Variants in CDH3 observed in about 807,000 individuals in gnomAD.
CDH3 encodes cadherin-3.
Under a neutral mutation model 82.0 loss-of-function variants are expected in CDH3, and 54 were observed. The ratio of observed to expected loss-of-function variants is 0.66; its 90% CI spans 0.53 to 0.83. The LOEUF is 0.83. CDH3 is among the 40% of genes least tolerant of loss of function. The probability of loss-of-function intolerance (pLI) is 0.00; values close to 1 mark genes in which losing one functional copy is unlikely to be tolerated. For missense variants in CDH3, 1,054 were observed against 1,084.6 expected (o/e 0.97, Z 0.40); for synonymous variants, 446 against 437.9 (o/e 1.02, Z -0.23).
chr16:68,646,510 C>CTCG (rs1555503964), intron 2 of CDH3, among the ~76,000 whole-genome samples: 1 of 140,066 alleles, frequency 7.1e-6, no homozygotes, highest in African/African-American at 2.6e-5. Context: ...CTACCCCCCC[C>CTCG]CTCCCCGCCC....
downstream of CDH3, among the ~76,000 whole-genome samples, chr16:68,728,109 A>C (rs1266277212): frequency 1.3e-5 from 2 of 152,186 alleles, no homozygotes; most frequent in Non-Finnish European, 2.9e-5. Context: ...ATAAATAATA[A>C]ATAAAACGAT....
chr16:68,655,012 G>A (rs1232600741), intron 2 of CDH3, among the ~76,000 whole-genome samples: 1 of 151,850 alleles, frequency 6.6e-6, no homozygotes, highest in African/African-American at 2.4e-5. Context: ...TTCCAGCCTG[G>A]GCAACAGAGC....
chr16:68,686,977 A>G (rs1032784929), intron 11 of CDH3, among the ~76,000 whole-genome samples: 3 of 152,190 alleles, frequency 2.0e-5, no homozygotes, highest in African/African-American at 7.2e-5. Context: ...TAAGTAAATA[A>G]AACATCAGCA....
intron 10 of CDH3, 112 bp downstream of exon 10, chr16:68,684,936 C>T (rs1386907423): frequency 1.4e-6 from 2 of 1,384,910 alleles, no homozygotes; most frequent in East Asian, 2.3e-5. Flanking sequence ...AGGAATATCC[C>T]TCCTGCATAG....
At chr16:68,668,174 G>A (rs3118234) in intron 2 of CDH3, among the ~76,000 whole-genome samples, 35,941 of 152,134 alleles carry the variant, frequency 0.24, 4,330 homozygotes, top group Admixed American at 0.28. Flanking sequence ...GGAAGAAAGA[G>A]CTATGTTTAG....
chr16:68,710,703 G>A (rs942543401), intron 1 of CDH3, among the ~76,000 whole-genome samples: 1 of 151,304 alleles, frequency 6.6e-6, no homozygotes, highest in South Asian at 2.1e-4. Flanking sequence ...AATTAGCCGA[G>A]TGTGGTGGCG....
downstream of CDH3, among the ~76,000 whole-genome samples, chr16:68,731,016 G>A (rs545761398): frequency 6.2e-4 from 12 of 19,388 alleles, no homozygotes; most frequent in Non-Finnish European, 8.2e-4. Flanking sequence ...GGGAAACTCC[G>A]TCTCAAAAAA....
chr16:68,715,519 G>A (rs78825026), intron 1 of CDH3, among the ~76,000 whole-genome samples: 1 of 152,068 alleles, frequency 6.6e-6, no homozygotes, highest in Non-Finnish European at 1.5e-5. Flanking sequence ...TGTTCAAGTA[G>A]CCCGGGCACA....
At chr16:68,684,845 G>A (rs779786971) in intron 10 of CDH3, 21 bp downstream of exon 10, 2 of 1,614,042 alleles carry the variant, frequency 1.2e-6, no homozygotes, top group African/African-American at 2.7e-5. Flanking sequence ...GCTGGGCTCA[G>A]TAAGCAGCAC....
In CDH3 at chr16:68,719,552, G is replaced by A. The variant is rs577897938; in HGVS notation, c.100-2873G>A. Among the ~76,000 whole-genome samples, 6 of 126,044 alleles carry A rather than the reference G, an allele frequency of 4.8e-5. No individual in the cohort carries two copies. The East Asian group carries it at 7.5e-4, about 16-fold the overall frequency. 82.7% of individuals were successfully genotyped at this position (126,044 alleles called of 152,430 possible). On this transcript the variant is annotated intron_variant, in intron 1 of 2. Transcript: ENST00000569080. ...AGAGGGAGTCTCGCTCTGTCACCCA[G>A]GCTGGAGTGCAGTGGCGCCATCTTG...
At chr16:68,710,798 T>C (rs538843175) in intron 1 of CDH3, among the ~76,000 whole-genome samples, 2 of 150,292 alleles carry the variant, frequency 1.3e-5, no homozygotes, top group Non-Finnish European at 3.0e-5. Context: ...TGAGCCGAGA[T>C]TGAGTGACTG....
In CDH3 at chr16:68,695,315, T is replaced by A; in HGVS notation, c.2063T>A (p.Leu688Gln). Residue 688 changes from leucine (L) to glutamine (Q), a missense_variant, in exon 14 of 16, where the codon CTA becomes CAA. Leu to Gln is a moderately radical substitution (Grantham distance 113). Coordinates refer to ENST00000264012, the MANE Select transcript of CDH3 (RefSeq NM_001793.6). Reference protein sequence around the residue: ...RKKRKIKEPLLLPEDDTRDNV... With the variant: ...RKKRKIKEPLQLPEDDTRDNV... The stretch of plus-strand genomic sequence containing the variant: ...AAGCGGAAGATCAAGGAGCCCCTCC[T>A]ACTCCCAGAAGATGACACCCGTGAC... The A allele has an allele frequency of 6.2e-7, 1 of 1,614,058 alleles. No individual in the cohort carries two copies. Among genetic ancestry groups the A allele is most frequent in the Non-Finnish European group, 8.5e-7 (1 of 1,179,994 alleles).
rs1025200824 is a variant in CDH3 at position 68,645,835 on chromosome 16, G to A, written c.160+85G>A. 6 of 1,023,318 alleles carry A rather than the reference G, an allele frequency of 5.9e-6. No homozygotes were observed. The East Asian group carries it at 1.3e-4, about 22-fold the overall frequency. 63.4% of individuals were successfully genotyped at this position (1,023,318 alleles called of 1,614,324 possible). A position where few individuals can be genotyped will look rare whatever the true frequency, so the allele number is the denominator to read the frequency against. ...CCGCGCGAGGGGTGTTCGGGCCGGG[G>A]CAAGGGACTCCTGGCGCCACCTCAG... On this transcript the variant is annotated intron_variant, in intron 2 of 15. Coordinates refer to ENST00000264012, the MANE Select transcript of CDH3 (RefSeq NM_001793.6).
intron 2 of CDH3, among the ~76,000 whole-genome samples, chr16:68,657,406 C>T (rs1348308060): frequency 6.6e-6 from 1 of 152,070 alleles, no homozygotes; most frequent in Non-Finnish European, 1.5e-5. Flanking sequence ...CCCAGCTACT[C>T]GGGAGGCTGA....
rs1207425741 is a variant in CDH3, at chr16:68,698,507, C to T, written c.*107C>T. 4.0e-6 allele frequency: 4 copies of T among 1,002,914 alleles called. No individual in the cohort carries two copies. The highest frequency in any genetic ancestry group is 3.1e-4 in the Middle Eastern group (1 of 3,232). The allele number at this position is 1,002,914 out of a possible 1,614,324, so 62.1% of individuals were successfully genotyped here. On this transcript the variant is annotated 3_prime_UTR_variant, in exon 16 of 16. Coordinates refer to ENST00000264012, the MANE Select transcript of CDH3 (RefSeq NM_001793.6). ...ACTTCGGAGCTTGTCAGGAAGTGGC[C>T]GTAGCAACTTGGCGGAGACAGGCTA...
chr16:68,664,762 G>C (rs1427749358), intron 2 of CDH3, among the ~76,000 whole-genome samples: 5 of 151,920 alleles, frequency 3.3e-5, no homozygotes, highest in African/African-American at 4.8e-5. Flanking sequence ...AGGCTCAGGT[G>C]ATCCTCCCAC....
Position 68,685,209 on chromosome 16 carries a change from C to T in CDH3, c.1429C>T (p.Arg477Cys), listed in dbSNP as rs1443655106. 5.0e-6 allele frequency: 8 copies of T among 1,614,048 alleles called. No homozygotes were observed. The highest frequency in any genetic ancestry group is 2.2e-5 in the East Asian group (1 of 44,880). Residue 477 changes from arginine (R) to cysteine (C), a missense_variant, in exon 11 of 16, where the codon CGC (arginine) becomes TGC (cysteine). Coordinates refer to ENST00000264012, the MANE Select transcript of CDH3 (RefSeq NM_001793.6). ...PDKENQKISY[R>C]ILRDPAGWLA... is the part of the protein sequence containing the mutation. ...GTCTCAACTTTTCCTCTCCAGCTAC[C>T]GCATCCTGAGAGACCCAGCAGGGTG... is the stretch of plus-strand genomic sequence containing the variant.
downstream of CDH3, among the ~76,000 whole-genome samples, chr16:68,702,122 C>T (rs1490374234): frequency 1.3e-5 from 2 of 151,946 alleles, no homozygotes; most frequent in Non-Finnish European, 1.5e-5. Context: ...CTTCTGACCT[C>T]GACGAGTGAT....
At chr16:68,726,296 C>T (rs570609623) in intron 2 of CDH3, among the ~76,000 whole-genome samples, 1 of 152,196 alleles carries the variant, frequency 6.6e-6, no homozygotes, top group Non-Finnish European at 1.5e-5. Flanking sequence ...CCCTGGTCAC[C>T]TGCTCCCCTG....
Sources: allele counts gnomAD v4.1 joint callset (sites outside exome capture counted in the v4.1 genomes callset), GRCh38; gene constraint gnomAD v4.1.1; transcripts MANE v1.5; gene names NCBI Gene and HGNC (gene_info 2026-07-23, HGNC 2026-07-21).